The following RNF115 variants were observed in gnomAD, a reference collection of about 807,000 sequenced individuals.
RNF115 encodes the protein E3 ubiquitin-protein ligase RNF115.
In RNF115, 31 loss-of-function variants were observed where a neutral mutation model predicts 39.2. The observed-to-expected ratio is 0.79, with a 90% CI of 0.59 to 1.07. The LOEUF is 1.07. Ranked by LOEUF, RNF115 falls within the 50% of genes least tolerant of loss-of-function variation. The probability of loss-of-function intolerance (pLI) is 0.00; values close to 1 mark genes in which losing one functional copy is unlikely to be tolerated. For synonymous variants in RNF115, 124 were observed against 131.0 expected (o/e 0.95, Z 0.37); for missense variants, 384 against 381.7 (o/e 1.01, Z -0.05).
intron 1 of RNF115, among the ~76,000 whole-genome samples, chr1:145,789,587 G>A (rs1422339911): frequency 1.5e-4 from 22 of 150,374 alleles, no homozygotes; most frequent in Admixed American, 1.4e-3. Context: ...TAGGAGAGAC[G>A]AGGTTTTTCC....
chr1:145,751,491 T>G lies in RNF115; in HGVS notation c.520A>C (p.Asn174His). ...PFSWSGMLHS[N>H]PGDYAWGQTG... ...TGACCCCAGGCATAGTCCCCAGGGT[T>G]GGAGTGCAGCATCCCGCTCCTATAC... The change falls in exon 6 of 9, where the codon AAC becomes CAC. Residue 174 changes from asparagine to histidine, a missense_variant. By Grantham distance (68) the Asn-to-His change is moderately conservative (BLOSUM62 1). Transcript: ENST00000582693. 1 of 1,599,092 alleles carries G rather than the reference T, an allele frequency of 6.3e-7. No individual in the cohort carries two copies. The highest frequency in any genetic ancestry group is 1.1e-5 in the South Asian group (1 of 88,258).
At chr1:145,758,751 T>C (rs1017087441) in intron 4 of RNF115, among the ~76,000 whole-genome samples, 2 of 152,224 alleles carry the variant, frequency 1.3e-5, no homozygotes, top group Admixed American at 6.5e-5. Context: ...TGATTTCTCT[T>C]TCTTGGCTAC....
At chr1:145,820,779 GAC>G (rs1215687796) in intron 1 of RNF115, among the ~76,000 whole-genome samples, 1 of 151,562 alleles carries the variant, frequency 6.6e-6, no homozygotes, top group Non-Finnish European at 1.5e-5. Flanking sequence ...AAATTGCTAA[GAC>G]AGATTTTAAG....
At chr1:145,802,652 G>T (rs1418515869) in intron 1 of RNF115, among the ~76,000 whole-genome samples, 1 of 152,082 alleles carries the variant, frequency 6.6e-6, no homozygotes, top group Non-Finnish European at 1.5e-5. Context: ...ATCTAAAACA[G>T]AAGTTCCAAT....
At chr1:145,790,844 A>C (rs1288788925) in intron 1 of RNF115, among the ~76,000 whole-genome samples, 1 of 152,166 alleles carries the variant, frequency 6.6e-6, no homozygotes, top group Non-Finnish European at 1.5e-5. Context: ...ATGGGTATAG[A>C]AACTGCTACT....
At chr1:145,783,115 G>A (rs9726259) in intron 3 of RNF115, among the ~76,000 whole-genome samples, 71,229 of 151,972 alleles carry the variant, frequency 0.47, 17,037 homozygotes, top group East Asian at 0.69. Flanking sequence ...TGCTCACCTC[G>A]GCCTCCCAAA....
Position 145,746,826 on chromosome 1 carries a change from G to GA in RNF115, c.*39dup. The GA allele has an allele frequency of 1.3e-6, 2 of 1,598,336 alleles. No individual in the cohort carries two copies. The highest frequency in any genetic ancestry group is 1.7e-6 in the Non-Finnish European group (2 of 1,169,570). On this transcript the variant is annotated 3_prime_UTR_variant, in exon 9 of 9. Coordinates refer to ENST00000582693, the MANE Select transcript of RNF115 (RefSeq NM_014455.4). The stretch of plus-strand genomic sequence containing the variant: ...TTGATACAATTTACAGCTATGGTAA[G>GA]ATGATTACCACAGCCCTGATTCAGG...
intron 1 of RNF115, among the ~76,000 whole-genome samples, chr1:145,811,269 C>T (rs1649678804): frequency 6.7e-6 from 1 of 149,702 alleles, no homozygotes; most frequent in Non-Finnish European, 1.5e-5. Context: ...CGTTTGTAAT[C>T]TCAGCACTTT....
rs1284300352 is a variant in RNF115, at chr1:145,788,977, A to G, written c.103-11T>C. The G allele has an allele frequency of 5.1e-6, 8 of 1,560,890 alleles. No individual in the cohort carries two copies. Among genetic ancestry groups the G allele is most frequent in the Non-Finnish European group, 5.3e-6 (6 of 1,138,926 alleles). ...GGGACATATATATTCCTATAAAAGA[A>G]AGGAAGAAACAAATAAAACTTTTTC... On this transcript the variant is annotated splice_polypyrimidine_tract_variant and intron_variant, in intron 1 of 8. Coordinates refer to ENST00000582693, the MANE Select transcript of RNF115 (RefSeq NM_014455.4).
At chr1:145,757,642 G>A (rs1658351664) in intron 4 of RNF115, among the ~76,000 whole-genome samples, 1 of 152,152 alleles carries the variant, frequency 6.6e-6, no homozygotes, top group African/African-American at 2.4e-5. Flanking sequence ...GAACTCCTGG[G>A]CAGAAGTAGA....
At position 145,750,333 on chromosome 1, in the gene RNF115, T is replaced by C. The variant is rs370720120; in HGVS notation, c.667+74A>G. On this transcript the variant is annotated intron_variant, in intron 7 of 8. Transcript: ENST00000582693. ...TTTATTTTGTTCACTTTTTAAACTT[T>C]TCACCTGTCAGAAGATACCGGGATT... 87 of 1,200,788 alleles carry C rather than the reference T, an allele frequency of 7.2e-5. No homozygotes were observed. In the East Asian group the frequency reaches 1.5e-3, roughly 20 times the overall value. 74.4% of individuals were successfully genotyped at this position (1,200,788 alleles called of 1,614,324 possible).
At chr1:145,772,118 C>A in intron 3 of RNF115, 199 bp from the exon 4 acceptor site, 1 of 516,570 alleles carries the variant, frequency 1.9e-6, no homozygotes, top group Non-Finnish European at 3.4e-6. Context: ...TGGGTAATGA[C>A]AAATTGTTTT....
intron 7 of RNF115, among the ~76,000 whole-genome samples, chr1:145,748,826 G>A (rs1657973048): frequency 6.6e-6 from 1 of 150,792 alleles, no homozygotes; most frequent in African/African-American, 2.5e-5. Context: ...GGAGGTTGCA[G>A]AGAGCCAAGA....
Position 145,748,107 on chromosome 1 carries a change from A to G in RNF115, c.671T>C (p.Met224Thr), listed in dbSNP as rs782088792. 16 of 1,607,530 alleles carry G rather than the reference A, an allele frequency of 1.0e-5. No homozygotes were observed. The highest frequency in any genetic ancestry group is 4.4e-5 in the South Asian group (4 of 90,788). ...TTTGCATACTGGACACTCTAAACCCATATCTGTTGAAGAAGGAAATGCCTT... is the reference window on the plus strand; with the variant it reads ...TTTGCATACTGGACACTCTAAACCCGTATCTGTTGAAGAAGGAAATGCCTT... Reference protein sequence around the residue: ...TVTVTQEQVDMGLECPVCKED... With the variant: ...TVTVTQEQVDTGLECPVCKED... Residue 224 changes from methionine (M) to threonine (T), a missense_variant, in exon 8 of 9, where the codon ATG becomes ACG. Physicochemically the swap from Met to Thr is moderately conservative, Grantham distance 81. Transcript: ENST00000582693.
chr1:145,758,692 T>C (rs1298789027), intron 4 of RNF115, among the ~76,000 whole-genome samples: 1 of 152,156 alleles, frequency 6.6e-6, no homozygotes, highest in African/African-American at 2.4e-5. Flanking sequence ...CAATCCTATA[T>C]GAATGCTTGG....
chr1:145,760,912 A>C (rs1426249278), intron 4 of RNF115, among the ~76,000 whole-genome samples: 2 of 152,208 alleles, frequency 1.3e-5, no homozygotes, highest in African/African-American at 4.8e-5. Context: ...CAAAATGCTA[A>C]TAGTGATATG....
chr1:145,792,310 A>C (rs1553719110), intron 1 of RNF115, among the ~76,000 whole-genome samples: 5 of 152,070 alleles, frequency 3.3e-5, no homozygotes, highest in African/African-American at 9.6e-5. Flanking sequence ...AAAGAAAGAC[A>C]GGATGGTAAT....
At chr1:145,781,795 T>C (rs1403850205) in intron 3 of RNF115, among the ~76,000 whole-genome samples, 4 of 152,122 alleles carry the variant, frequency 2.6e-5, no homozygotes, top group African/African-American at 4.8e-5. Flanking sequence ...TCTTAATCAC[T>C]GTTATATGAC....
At chr1:145,823,661 A>C (rs1290670431) in intron 1 of RNF115, 111 bp downstream of exon 1, 13 of 900,084 alleles carry the variant, frequency 1.4e-5, no homozygotes, top group Middle Eastern at 7.1e-4. Flanking sequence ...GGTATTCGGC[A>C]GACCGATGTC....
Sources: gnomAD v4.1 joint callset for allele counts (sites outside exome capture counted in the v4.1 genomes callset) on GRCh38, gnomAD v4.1.1 for gene constraint, MANE v1.5 for transcripts, NCBI Gene and HGNC (gene_info 2026-07-23, HGNC 2026-07-21) for gene names.